TRMT9B: variants seen among roughly 807,000 people sequenced by gnomAD.
TRMT9B encodes tRNA methyltransferase 9B (putative).
In TRMT9B, 16 loss-of-function variants were observed where a neutral mutation model predicts 11.5. The observed-to-expected ratio is 1.39, with a 90% CI of 0.94 to 2.11. The LOEUF (loss-of-function observed/expected upper bound fraction) is 2.11, where lower values mean the gene tolerates loss of function less well. Ranked by LOEUF, TRMT9B falls within the 30% of genes most tolerant of loss-of-function variation. The pLI, the probability that TRMT9B is intolerant of heterozygous loss-of-function variation, is 0.00. For synonymous variants in TRMT9B, 274 were observed against 192.4 expected (o/e 1.42, Z -3.51); for missense variants, 941 against 553.8 (o/e 1.70, Z -7.02).
chr8:12,952,207 C>T (rs527297566), intron 1 of TRMT9B: 1 of 451,462 alleles, frequency 2.2e-6, no homozygotes, highest in Non-Finnish European at 4.4e-6. Flanking sequence ...CGCCGGCGAC[C>T]GGAGCACTGA....
chr8:13,018,693 C>T (rs775381796), intron 4 of TRMT9B, among the ~76,000 whole-genome samples: 1 of 152,130 alleles, frequency 6.6e-6, no homozygotes, highest in Non-Finnish European at 1.5e-5. Context: ...AGCTGAACAA[C>T]ATATTGTCTT....
At chr8:12,980,161 G>A (rs897998386) in intron 1 of TRMT9B, among the ~76,000 whole-genome samples, 4 of 152,112 alleles carry the variant, frequency 2.6e-5, no homozygotes, top group Admixed American at 6.6e-5. Flanking sequence ...GAGGCCAGAC[G>A]TCCTAAATGA....
chr8:13,026,186 G>C lies in TRMT9B; in HGVS notation c.*4142G>C, dbSNP rs1814664336. ...AGTCTAAGAAAAACAAATTAGGGCA[G>C]GCCTCAGCATCTCTTTCCTATTACA... On this transcript the variant is annotated 3_prime_UTR_variant, in exon 5 of 5. Coordinates refer to ENST00000524591, the MANE Select transcript of TRMT9B (RefSeq NM_020844.3). 6.0e-6 allele frequency: 1 copy of C among 167,036 alleles called. No individual in the cohort carries two copies. The highest frequency in any genetic ancestry group is 1.5e-5 in the Non-Finnish European group (1 of 68,128). 10.3% of individuals were successfully genotyped at this position (167,036 alleles called of 1,614,324 possible).
intron 1 of TRMT9B, among the ~76,000 whole-genome samples, chr8:12,949,959 C>T (rs1028444196): frequency 3.9e-5 from 6 of 152,108 alleles, no homozygotes; most frequent in African/African-American, 1.4e-4. Context: ...CTCAAGTGAC[C>T]CTCCTGCCTC....
chr8:12,946,732 G>A (rs530161291), intron 1 of TRMT9B, among the ~76,000 whole-genome samples: 3 of 152,190 alleles, frequency 2.0e-5, no homozygotes, highest in Non-Finnish European at 2.9e-5. Context: ...AGAGGACCAA[G>A]GACAGGTGCT....
chr8:12,966,196 G>C (rs1802800310), intron 1 of TRMT9B, among the ~76,000 whole-genome samples: 1 of 151,928 alleles, frequency 6.6e-6, no homozygotes, highest in South Asian at 2.1e-4. Context: ...AGCCTGGCAT[G>C]GTGACCCATA....
intron 2 of TRMT9B, among the ~76,000 whole-genome samples, chr8:13,004,993 C>G (rs950829958): frequency 6.6e-6 from 1 of 151,632 alleles, no homozygotes; most frequent in East Asian, 1.9e-4. Flanking sequence ...TCTAGACCTG[C>G]CCACGGCCTG....
intron 1 of TRMT9B, among the ~76,000 whole-genome samples, chr8:12,987,207 G>T (rs1211801): frequency 1.3e-5 from 2 of 152,274 alleles, no homozygotes; most frequent in South Asian, 4.1e-4. Context: ...AAGTCACTTA[G>T]GTCCTCCTTC....
At chr8:12,967,577 A>T (rs946827916) in intron 1 of TRMT9B, among the ~76,000 whole-genome samples, 1 of 152,230 alleles carries the variant, frequency 6.6e-6, no homozygotes, top group Non-Finnish European at 1.5e-5. Context: ...GCTTTTCTCC[A>T]CCAATGAACT....
chr8:13,021,329 A>G lies in TRMT9B; in HGVS notation c.650A>G (p.Tyr217Cys), dbSNP rs1162945517. ...TCAAAACGGTCCCACAGCGTGGGCT[A>G]TGAACCTGCTATGGCAAGAACCTGT... ...CGSKRSHSVG[Y>C]EPAMARTCFA... is the part of the protein sequence containing the mutation. The change falls in exon 5 of 5, where the codon TAT becomes TGT. Residue 217 changes from tyrosine to cysteine, a missense_variant. Tyr to Cys is a radical substitution (Grantham distance 194, BLOSUM62 -2). Coordinates refer to ENST00000524591, the MANE Select transcript of TRMT9B (RefSeq NM_020844.3). 11 of 1,614,046 alleles carry G rather than the reference A, an allele frequency of 6.8e-6. No homozygotes were observed. Among genetic ancestry groups the G allele is most frequent in the Non-Finnish European group, 8.5e-6 (10 of 1,179,898 alleles).
At chr8:12,981,989 C>T (rs1273839691) in intron 1 of TRMT9B, among the ~76,000 whole-genome samples, 1 of 152,090 alleles carries the variant, frequency 6.6e-6, no homozygotes, top group Non-Finnish European at 1.5e-5. Context: ...GAGATCATGA[C>T]CTCCTAAATT....
rs1186310164 is a variant in TRMT9B at position 13,028,574 on chromosome 8, C to CTTTTCTTTTCTTTTTTTTTTTTT, written c.*6534_*6535insCTTTTCTTTTTTTTTTTTTTTTT. 6.6e-5 allele frequency: 5 copies of CTTTTCTTTTCTTTTTTTTTTTTT among 76,088 alleles called. No homozygotes were observed. The highest frequency in any genetic ancestry group is 2.2e-4 in the African/African-American group (5 of 22,998). The allele number at this position is 76,088 out of a possible 1,614,324, so 4.7% of individuals were successfully genotyped here. ...GATAAGCACTTTTCTCTTTTCTTTTCTTTTTTTTTTTTTTTTTTTGAGACA... is the reference window on the plus strand; with the variant it reads ...GATAAGCACTTTTCTCTTTTCTTTTCTTTTCTTTTCTTTTTTTTTTTTTTTTTTTTTTTTTTTTTTTTGAGACA... On this transcript the variant is annotated 3_prime_UTR_variant, in exon 5 of 5. Coordinates refer to ENST00000524591, the MANE Select transcript of TRMT9B (RefSeq NM_020844.3).
chr8:12,979,204 T>C (rs1457086599), intron 1 of TRMT9B, among the ~76,000 whole-genome samples: 1 of 152,196 alleles, frequency 6.6e-6, no homozygotes, highest in Non-Finnish European at 1.5e-5. Flanking sequence ...CATCCAAAAA[T>C]TCTCATTCCT....
In TRMT9B at chr8:13,027,919, A is replaced by G. The variant is rs1814886692; in HGVS notation, c.*5875A>G. On this transcript the variant is annotated 3_prime_UTR_variant, in exon 5 of 5. Transcript: ENST00000524591. ...TTTAATGATTGTTTTGATAGTATAA[A>G]CTCCATATCTGCAACCTCAGTTATC... The G allele has an allele frequency of 6.0e-6, 1 of 167,064 alleles. No individual in the cohort carries two copies. Among genetic ancestry groups the G allele is most frequent in the Non-Finnish European group, 1.5e-5 (1 of 68,134 alleles). The allele number at this position is 167,064 out of a possible 1,614,324, so 10.3% of individuals were successfully genotyped here.
chr8:13,021,812 G>A lies in TRMT9B; in HGVS notation c.1133G>A (p.Arg378Lys), dbSNP rs1362781262. 1 of 1,613,658 alleles carries A rather than the reference G, an allele frequency of 6.2e-7. No homozygotes were observed. The highest frequency in any genetic ancestry group is 8.5e-7 in the Non-Finnish European group (1 of 1,179,734). ...CCTTCTGCTAGTAAAATATTGAGAA[G>A]GATTTCTGCAGTTGATTCCACAGAT... ...DNPSASKILR[R>K]ISAVDSTDFN... Residue 378 changes from arginine to lysine, a missense_variant, in exon 5 of 5, where the codon AGG (arginine) becomes AAG (lysine). By Grantham distance (26) the Arg-to-Lys change is conservative (BLOSUM62 2). Transcript: ENST00000524591.
intron 1 of TRMT9B, among the ~76,000 whole-genome samples, chr8:12,956,733 C>T (rs1037003832): frequency 2.0e-5 from 3 of 152,162 alleles, no homozygotes; most frequent in South Asian, 2.1e-4. Context: ...TCAGCATGCT[C>T]ATTTTAAGGA....
intron 3 of TRMT9B, among the ~76,000 whole-genome samples, chr8:13,008,770 C>G (rs966786161): frequency 1.3e-5 from 2 of 151,998 alleles, no homozygotes; most frequent in Non-Finnish European, 2.9e-5. Flanking sequence ...GCTCTGTTGC[C>G]CAGGCTGGAG....
At chr8:12,946,537 C>A (rs1040882887) in intron 1 of TRMT9B, among the ~76,000 whole-genome samples, 1 of 152,136 alleles carries the variant, frequency 6.6e-6, no homozygotes, top group Non-Finnish European at 1.5e-5. Flanking sequence ...GGGCGAAGGA[C>A]CTCAGGTTCG....
rs947358397 is a variant in TRMT9B at position 13,027,762 on chromosome 8, T to A, written c.*5718T>A. On this transcript the variant is annotated 3_prime_UTR_variant, in exon 5 of 5. Transcript: ENST00000524591. ...GAGGCATATGAGGTAAGCGTTATTA[T>A]ACACCCGTCCAGCAGATGGGAAAAC... The A allele has an allele frequency of 6.0e-6, 1 of 166,726 alleles. No individual in the cohort carries two copies. The highest frequency in any genetic ancestry group is 2.4e-5 in the African/African-American group (1 of 41,288). 10.3% of individuals were successfully genotyped at this position (166,726 alleles called of 1,614,324 possible). A position where few individuals can be genotyped will look rare whatever the true frequency, so the allele number is the denominator to read the frequency against.
Sources: gnomAD v4.1 joint callset for allele counts (sites outside exome capture counted in the v4.1 genomes callset) on GRCh38, gnomAD v4.1.1 for gene constraint, MANE v1.5 for transcripts, NCBI Gene and HGNC (gene_info 2026-07-23, HGNC 2026-07-21) for gene names.